The following GALNT13 variants were observed in gnomAD, a reference collection of about 807,000 sequenced individuals.
GALNT13 encodes the protein polypeptide N-acetylgalactosaminyltransferase 13, also known as UDP-GalNAc:polypeptide N-acetylgalactosaminyltransferase 13.
A neutral mutation model predicts 64.2 loss-of-function variants in GALNT13; 28 were observed. That is an observed-to-expected ratio of 0.44 (90% CI 0.32 to 0.60). GALNT13 has a LOEUF of 0.60. Ranked by LOEUF, GALNT13 falls within the 20% of genes least tolerant of loss-of-function variation. GALNT13 has a pLI of 0.05. For missense variants in GALNT13, 577 were observed against 669.8 expected, an observed-to-expected ratio of 0.86 and a Z score of 1.53; for synonymous variants, 214 against 224.6, an observed-to-expected ratio of 0.95 and a Z score of 0.42.
At chr2:154,047,926 A>G (rs1374869830) in intron 3 of GALNT13, among the ~76,000 whole-genome samples, 1 of 152,204 alleles carries the variant, frequency 6.6e-6, no homozygotes, top group African/African-American at 2.4e-5. Flanking sequence ...GTGACAACTG[A>G]AAGTGTCTCT....
chr2:153,813,089 T>G, the GALNT13 span, among the ~76,000 whole-genome samples: 1 of 152,210 alleles, frequency 6.6e-6, no homozygotes, highest in African/African-American at 2.4e-5. Context: ...GTTGGGTTCA[T>G]CATCTTATTG....
chr2:154,068,516 G>A (rs760831926), intron 3 of GALNT13, among the ~76,000 whole-genome samples: 3 of 149,094 alleles, frequency 2.0e-5, no homozygotes, highest in Non-Finnish European at 4.5e-5. Flanking sequence ...TATACACAAA[G>A]GAGTAATATT....
At chr2:153,192,618 A>G in the GALNT13 span, among the ~76,000 whole-genome samples, 180 of 152,188 alleles carry the variant, frequency 1.2e-3, 1 homozygote, top group African/African-American at 4.1e-3. Flanking sequence ...AATATTATAT[A>G]TTGAAGTCTA....
chr2:154,111,940 A>G (rs190763555), intron 3 of GALNT13, among the ~76,000 whole-genome samples: 1 of 152,160 alleles, frequency 6.6e-6, no homozygotes, highest in Non-Finnish European at 1.5e-5. Context: ...GCATAAAGTG[A>G]GTGCCTTGGT....
the GALNT13 span, among the ~76,000 whole-genome samples, chr2:153,447,839 C>T: frequency 6.6e-6 from 1 of 151,992 alleles, no homozygotes; most frequent in Admixed American, 6.6e-5. Context: ...TTTAAAGGCT[C>T]TTGATATATA....
chr2:154,248,829 T>C (rs1689921773), intron 7 of GALNT13, among the ~76,000 whole-genome samples: 1 of 152,192 alleles, frequency 6.6e-6, no homozygotes, highest in African/African-American at 2.4e-5. Flanking sequence ...ATTTGACATT[T>C]GTCAATATTC....
At chr2:154,143,402 T>C (rs1430726283) in intron 4 of GALNT13, among the ~76,000 whole-genome samples, 1 of 152,146 alleles carries the variant, frequency 6.6e-6, no homozygotes, top group East Asian at 1.9e-4. Context: ...ATGATACTTA[T>C]ATATTCCAGA....
the GALNT13 span, among the ~76,000 whole-genome samples, chr2:153,843,870 C>A: frequency 6.6e-6 from 1 of 152,210 alleles, no homozygotes; most frequent in African/African-American, 2.4e-5. Context: ...AAATAATCTG[C>A]TTAGGTTCCA....
the GALNT13 span, among the ~76,000 whole-genome samples, chr2:153,721,588 T>A: frequency 2.7e-5 from 4 of 149,228 alleles, no homozygotes; most frequent in East Asian, 5.9e-4. Context: ...GAGACACACA[T>A]AGGCTCAAAA....
chr2:154,325,476 A>G (rs564472223), intron 9 of GALNT13, among the ~76,000 whole-genome samples: 81 of 152,256 alleles, frequency 5.3e-4, no homozygotes, highest in African/African-American at 1.8e-3. Context: ...TCTTGCTACT[A>G]CTGCTACTGG....
At chr2:153,867,934 C>T (rs530518845), upstream of GALNT13, among the ~76,000 whole-genome samples, 4 of 152,272 alleles carry the variant, frequency 2.6e-5, no homozygotes, top group East Asian at 7.7e-4. Flanking sequence ...TCACCCATCC[C>T]TCATATCCTT....
the GALNT13 span, among the ~76,000 whole-genome samples, chr2:153,344,270 A>G: frequency 1.3e-5 from 2 of 152,228 alleles, no homozygotes; most frequent in Non-Finnish European, 2.9e-5. Context: ...TGTAAAAGCG[A>G]AAGGATGTCA....
At chr2:153,781,846 A>T in the GALNT13 span, among the ~76,000 whole-genome samples, 2 of 152,278 alleles carry the variant, frequency 1.3e-5, no homozygotes, top group South Asian at 2.1e-4. Flanking sequence ...ACTTCCAATT[A>T]ATAGAATATG....
At chr2:153,503,914 A>G in the GALNT13 span, among the ~76,000 whole-genome samples, 1 of 151,924 alleles carries the variant, frequency 6.6e-6, no homozygotes, top group Non-Finnish European at 1.5e-5. Flanking sequence ...TTCTAGTTAC[A>G]TGAGGAATAA....
intron 3 of GALNT13, among the ~76,000 whole-genome samples, chr2:154,022,199 A>G (rs1283194347): frequency 6.6e-6 from 1 of 152,182 alleles, no homozygotes; most frequent in African/African-American, 2.4e-5. Context: ...CTTTGGTATC[A>G]GGATGATGCT....
At chr2:153,623,268 T>A in the GALNT13 span, among the ~76,000 whole-genome samples, 3 of 152,152 alleles carry the variant, frequency 2.0e-5, no homozygotes, top group Non-Finnish European at 4.4e-5. Context: ...CTTTATACCC[T>A]TCCTCAACGT....
chr2:154,315,143 A>C (rs1371717191), intron 9 of GALNT13, among the ~76,000 whole-genome samples: 1 of 152,176 alleles, frequency 6.6e-6, no homozygotes, highest in Non-Finnish European at 1.5e-5. Flanking sequence ...CAAACAAACA[A>C]ACATACCACA....
the GALNT13 span, among the ~76,000 whole-genome samples, chr2:153,185,654 G>T: frequency 5.3e-5 from 8 of 152,130 alleles, no homozygotes; most frequent in African/African-American, 1.9e-4. Flanking sequence ...CTGGTACACG[G>T]TCTCTTTGTT....
chr2:153,192,462 G>C, the GALNT13 span, among the ~76,000 whole-genome samples: 1 of 151,896 alleles, frequency 6.6e-6, no homozygotes, highest in Non-Finnish European at 1.5e-5. Flanking sequence ...GTGGTCTATC[G>C]TAATGTTCCA....
Sources: gnomAD v4.1 joint callset for allele counts (sites outside exome capture counted in the v4.1 genomes callset) on GRCh38, gnomAD v4.1.1 for gene constraint, MANE v1.5 for transcripts, NCBI Gene and HGNC (gene_info 2026-07-23, HGNC 2026-07-21) for gene names.